Variants in MAP3K5 observed in about 807,000 individuals in gnomAD.
The protein encoded by MAP3K5 is mitogen-activated protein kinase kinase kinase 5.
A neutral mutation model predicts 158.7 loss-of-function variants in MAP3K5; 56 were observed. The observed-to-expected ratio is 0.35, with a 90% CI of 0.28 to 0.44. The LOEUF (loss-of-function observed/expected upper bound fraction) is 0.44, where lower values mean the gene tolerates loss of function less well. Ranked by LOEUF, MAP3K5 falls within the 20% of genes least tolerant of loss-of-function variation. The pLI is 1.00. For missense variants in MAP3K5, 1,294 were observed against 1,674.8 expected (o/e 0.77, Z 3.97); for synonymous variants, 579 against 601.7 (o/e 0.96, Z 0.55).
chr6:136,686,301 C>T (rs1010940424), intron 7 of MAP3K5, among the ~76,000 whole-genome samples: 1 of 152,046 alleles, frequency 6.6e-6, no homozygotes, highest in African/African-American at 2.4e-5. Context: ...TTATGACAAA[C>T]CTACAAGCAA....
chr6:136,763,373 CT>C (rs1470964976), intron 1 of MAP3K5, among the ~76,000 whole-genome samples: 1 of 151,946 alleles, frequency 6.6e-6, no homozygotes, highest in Non-Finnish European at 1.5e-5. Flanking sequence ...GCTGTCTTGT[CT>C]CTGTTCAACC....
chr6:136,784,722 T>G (rs997339633), intron 1 of MAP3K5, among the ~76,000 whole-genome samples: 1 of 152,208 alleles, frequency 6.6e-6, no homozygotes, highest in Admixed American at 6.5e-5. Flanking sequence ...CACTCATCCT[T>G]GGAGAAATGG....
chr6:136,685,782 G>GA (rs1205977036), intron 7 of MAP3K5, among the ~76,000 whole-genome samples: 2 of 151,652 alleles, frequency 1.3e-5, no homozygotes, highest in African/African-American at 2.4e-5. Flanking sequence ...TGACTCAAAA[G>GA]AAAAAAACAA....
In MAP3K5 at chr6:136,677,011, C is replaced by T. The variant is rs562333490; in HGVS notation, c.1254-7616G>A. Among the ~76,000 whole-genome samples the T allele has an allele frequency of 4.0e-5, 6 of 150,740 alleles. No homozygotes were observed. In the East Asian group the frequency reaches 1.2e-3, roughly 30 times the overall value. On this transcript the variant is annotated intron_variant, in intron 7 of 29. Coordinates refer to ENST00000359015, the MANE Select transcript of MAP3K5 (RefSeq NM_005923.4). The stretch of plus-strand genomic sequence containing the variant: ...TTCACTGTGTTGATCAGGCTGGTCT[C>T]GAACTCCTGACCTTGTGATCCACCT...
chr6:136,773,775 G>A (rs191606376), intron 1 of MAP3K5, among the ~76,000 whole-genome samples: 79 of 152,206 alleles, frequency 5.2e-4, no homozygotes, highest in African/African-American at 1.9e-3. Context: ...AGCCTCCCAA[G>A]TAACTGGGAC....
At chr6:136,645,583 T>G (rs1252986391) in intron 11 of MAP3K5, among the ~76,000 whole-genome samples, 2 of 152,210 alleles carry the variant, frequency 1.3e-5, no homozygotes, top group African/African-American at 4.8e-5. Flanking sequence ...CAATCTTAAG[T>G]TTTTCTTTCA....
At position 136,695,327 on chromosome 6, in the gene MAP3K5, C is replaced by T. The variant is rs139735361; in HGVS notation, c.1082+624G>A. ...TAATTTTTTTGTATTTTAGTAGAGA[C>T]GGGGTTTCACCGTGTTGCCCAGGCT... On this transcript the variant is annotated intron_variant, in intron 6 of 29. Transcript: ENST00000359015. 4.3e-4 allele frequency among the ~76,000 whole-genome samples: 65 copies of T among 152,094 alleles called. No homozygotes were observed. In the East Asian group the frequency reaches 9.1e-3, roughly 21 times the overall value.
chr6:136,771,508 T>C (rs940596121), intron 1 of MAP3K5, among the ~76,000 whole-genome samples: 2 of 152,190 alleles, frequency 1.3e-5, no homozygotes, highest in African/African-American at 4.8e-5. Flanking sequence ...GGCAATGACC[T>C]AGTGACCCAA....
rs74379549 is a variant in MAP3K5 at position 136,779,661 on chromosome 6, C to G, written c.448+12049G>C. 5.7e-3 allele frequency among the ~76,000 whole-genome samples: 860 copies of G among 152,160 alleles called. 5 individuals are homozygous for G. The highest frequency in any genetic ancestry group is 0.019 in the African/African-American group (806 of 41,500). On this transcript the variant is annotated intron_variant, in intron 1 of 29. Transcript: ENST00000359015. ...GGACCTTTTTCCTTCATAAAATAGG[C>G]TTATTTGGAACAGTCTAAACTACTG...
intron 1 of MAP3K5, among the ~76,000 whole-genome samples, chr6:136,770,385 C>T (rs1386519509): frequency 6.6e-6 from 1 of 152,104 alleles, no homozygotes; most frequent in Non-Finnish European, 1.5e-5. Context: ...ATACAAATAA[C>T]TGATATATTT....
intron 7 of MAP3K5, among the ~76,000 whole-genome samples, chr6:136,684,389 A>T (rs1252221376): frequency 6.6e-6 from 1 of 152,174 alleles, no homozygotes; most frequent in South Asian, 2.1e-4. Context: ...TGCATATAAC[A>T]AAATTTTCTA....
chr6:136,691,526 G>A (rs1201446304), intron 7 of MAP3K5, among the ~76,000 whole-genome samples: 1 of 151,482 alleles, frequency 6.6e-6, no homozygotes, highest in Non-Finnish European at 1.5e-5. Context: ...CACGAGAATC[G>A]CTTGAACCCC....
chr6:136,640,378 A>C (rs1777867382), intron 12 of MAP3K5, among the ~76,000 whole-genome samples: 1 of 152,226 alleles, frequency 6.6e-6, no homozygotes, highest in Non-Finnish European at 1.5e-5. Context: ...GTGAAGGACC[A>C]GATGTAGTCC....
Position 136,665,632 on chromosome 6 carries a change from C to T in MAP3K5, c.1366+3651G>A, listed in dbSNP as rs138901342. ...AAGTGCTGGGATTACAGGCCTGAGC[C>T]ACCACGCCCAGCCTAAGAAGTGCTA... On this transcript the variant is annotated intron_variant, in intron 8 of 29. Transcript: ENST00000359015. 6.5e-3 allele frequency among the ~76,000 whole-genome samples: 993 copies of T among 152,264 alleles called. 9 individuals are homozygous for T. The highest frequency in any genetic ancestry group is 0.022 in the African/African-American group (907 of 41,548).
chr6:136,582,257 TGTATAC>T (rs1183325576), intron 24 of MAP3K5, among the ~76,000 whole-genome samples: 4 of 134,766 alleles, frequency 3.0e-5, no homozygotes, highest in African/African-American at 1.2e-4. Context: ...TACACGTGTG[TGTATAC>T]GTGTGTGTGT....
At chr6:136,656,643 GA>G (rs1202821720) in intron 9 of MAP3K5, among the ~76,000 whole-genome samples, 183 bp from the exon 10 acceptor site, 1 of 148,222 alleles carries the variant, frequency 6.7e-6, no homozygotes, top group Non-Finnish European at 1.5e-5. Context: ...TTTTAATGTT[GA>G]AACAGAGTCT....
chr6:136,716,067 T>G (rs1389392098), intron 2 of MAP3K5, among the ~76,000 whole-genome samples: 1 of 49,232 alleles, frequency 2.0e-5, no homozygotes, highest in Non-Finnish European at 4.9e-5. Flanking sequence ...AAAAAAAAAA[T>G]TACAGCTGAA....
chr6:136,768,997 AC>A lies in MAP3K5; in HGVS notation c.448+22712del, dbSNP rs1269924882. Among the ~76,000 whole-genome samples the A allele has an allele frequency of 2.0e-5, 3 of 151,952 alleles. No homozygotes were observed. In the East Asian group the frequency reaches 5.8e-4, roughly 29 times the overall value. Reference sequence around the variant, plus strand: ...AATTACCGTATGACCCAGCAATTCCACTCCTAGATATATACTTAAGCAAGCT... The same window carrying A: ...AATTACCGTATGACCCAGCAATTCCATCCTAGATATATACTTAAGCAAGCT... On this transcript the variant is annotated intron_variant, in intron 1 of 29. Coordinates refer to ENST00000359015, the MANE Select transcript of MAP3K5 (RefSeq NM_005923.4).
intron 1 of MAP3K5, among the ~76,000 whole-genome samples, chr6:136,735,569 C>A (rs887422690): frequency 3.3e-5 from 5 of 152,146 alleles, no homozygotes; most frequent in Non-Finnish European, 7.3e-5. Flanking sequence ...GTGGCTCAAG[C>A]CTGTAATTCC....
Sources: gnomAD v4.1 joint callset for allele counts (sites outside exome capture counted in the v4.1 genomes callset) on GRCh38, gnomAD v4.1.1 for gene constraint, MANE v1.5 for transcripts, NCBI Gene and HGNC (gene_info 2026-07-23, HGNC 2026-07-21) for gene names.